The following USH2A variants were observed in gnomAD, a reference collection of about 807,000 sequenced individuals.
The protein encoded by USH2A is Usher syndrome 2A (autosomal recessive, mild).
Under a neutral mutation model 538.9 loss-of-function variants are expected in USH2A, and 443 were observed. The ratio of observed to expected loss-of-function variants is 0.82; its 90% CI spans 0.76 to 0.89. The LOEUF (loss-of-function observed/expected upper bound fraction) is 0.89, where lower values mean the gene tolerates loss of function less well. Ranked by LOEUF, USH2A falls within the 40% of genes least tolerant of loss-of-function variation. The probability of loss-of-function intolerance (pLI) is 0.00; values close to 1 mark genes in which losing one functional copy is unlikely to be tolerated. For synonymous variants in USH2A, 2,413 were observed against 2,273.5 expected, an observed-to-expected ratio of 1.06 and a Z score of -1.75; for missense variants, 6,633 against 6,324.8, an observed-to-expected ratio of 1.05 and a Z score of -1.65.
At chr1:215,811,992 T>G (rs987905972) in intron 49 of USH2A, among the ~76,000 whole-genome samples, 2 of 138,020 alleles carry the variant, frequency 1.4e-5, no homozygotes, top group African/African-American at 5.4e-5. Context: ...TTTTTTTTTT[T>G]TTTTTTTTTT....
chr1:215,632,085 C>T (rs900969993), intron 70 of USH2A, among the ~76,000 whole-genome samples: 4 of 150,324 alleles, frequency 2.7e-5, no homozygotes, highest in East Asian at 1.9e-4. Context: ...TGTTTTGTGA[C>T]GGAGTCTCGC....
chr1:215,673,535 C>T (rs887158147), intron 63 of USH2A, among the ~76,000 whole-genome samples: 1 of 152,200 alleles, frequency 6.6e-6, no homozygotes, highest in East Asian at 1.9e-4. Context: ...CAGATGGGAC[C>T]GCTAGGAAAA....
At chr1:216,206,256 C>T (rs1466095361) in intron 16 of USH2A, among the ~76,000 whole-genome samples, 1 of 152,120 alleles carries the variant, frequency 6.6e-6, no homozygotes, top group African/African-American at 2.4e-5. Context: ...GTATAATTCT[C>T]AGATTATTTT....
chr1:215,947,216 G>A (rs1209441959), intron 37 of USH2A, among the ~76,000 whole-genome samples: 1 of 151,750 alleles, frequency 6.6e-6, no homozygotes, highest in Non-Finnish European at 1.5e-5. Context: ...GCTAATTTTT[G>A]TATTTTTAGT....
chr1:215,801,156 T>C (rs1295310556), intron 49 of USH2A, among the ~76,000 whole-genome samples: 2 of 152,058 alleles, frequency 1.3e-5, no homozygotes, highest in Non-Finnish European at 2.9e-5. Flanking sequence ...CAAGAGTATA[T>C]GAGAAAAACC....
intron 56 of USH2A, among the ~76,000 whole-genome samples, chr1:215,761,517 T>A (rs1290366174): frequency 1.3e-5 from 2 of 152,198 alleles, no homozygotes. Context: ...ATCTTCTCTG[T>A]CTTATTCGTC....
Position 216,207,293 on chromosome 1 carries a change from G to A in USH2A, c.3296C>T (p.Thr1099Ile), listed in dbSNP as rs781687531. ...CTCACTGTATGGGTATTGATCCTCT[G>A]TTGTGTAGATTTCAAAACCATCCCT... ...LLRDGFEIYT[T>I]EDQYPYSIQY... is the part of the protein sequence containing the mutation. Residue 1099 changes from threonine to isoleucine, a missense_variant, in exon 16 of 72, where the codon ACA becomes ATA. By Grantham distance (89) the Thr-to-Ile change is moderately conservative. Coordinates refer to ENST00000307340, the MANE Select transcript of USH2A (RefSeq NM_206933.4). 1 of 1,613,972 alleles carries A rather than the reference G, an allele frequency of 6.2e-7. No individual in the cohort carries two copies. The highest frequency in any genetic ancestry group is 1.1e-5 in the South Asian group (1 of 91,080).
chr1:215,808,148 A>G (rs1662555925), intron 49 of USH2A, among the ~76,000 whole-genome samples: 1 of 152,164 alleles, frequency 6.6e-6, no homozygotes, highest in Admixed American at 6.6e-5. Context: ...CATGTAAAAT[A>G]TTACTTGAAA....
chr1:216,358,332 C>G (rs1349780400), intron 4 of USH2A, among the ~76,000 whole-genome samples: 17 of 152,144 alleles, frequency 1.1e-4, no homozygotes, highest in Admixed American at 9.8e-4. Context: ...GAGGCAGTGT[C>G]TGTTCCAAAG....
At chr1:215,923,990 T>G (rs1666169801) in intron 38 of USH2A, among the ~76,000 whole-genome samples, 1 of 151,914 alleles carries the variant, frequency 6.6e-6, no homozygotes, top group African/African-American at 2.4e-5. Flanking sequence ...CCTCCCAAAG[T>G]GCTGGGATTA....
At chr1:215,795,532 C>T (rs557191578) in intron 50 of USH2A, among the ~76,000 whole-genome samples, 2 of 152,200 alleles carry the variant, frequency 1.3e-5, no homozygotes, top group African/African-American at 2.4e-5. Context: ...TAACAAAGGA[C>T]GGAGTATAGC....
At chr1:216,216,682 T>C (rs972810147) in intron 15 of USH2A, among the ~76,000 whole-genome samples, 1 of 152,108 alleles carries the variant, frequency 6.6e-6, no homozygotes, top group Non-Finnish European at 1.5e-5. Context: ...CAATATGTTA[T>C]GAAATTGTAG....
At chr1:215,925,244 G>A (rs1250533393) in intron 38 of USH2A, among the ~76,000 whole-genome samples, 1 of 152,070 alleles carries the variant, frequency 6.6e-6, no homozygotes, top group Non-Finnish European at 1.5e-5. Context: ...AAATCCTTTG[G>A]TTCTATTCTC....
intron 3 of USH2A, among the ~76,000 whole-genome samples, chr1:216,405,498 GAATGGCTAAAATGTTATTTTA>G: frequency 6.6e-6 from 1 of 152,208 alleles, no homozygotes; most frequent in Admixed American, 6.5e-5. Context: ...TTATCTATCA[GAATGGCTAAAATGTTATTTTA>G]AATAGTAAAA....
chr1:216,019,605 T>G (rs1440872716), intron 32 of USH2A, among the ~76,000 whole-genome samples: 3 of 152,216 alleles, frequency 2.0e-5, no homozygotes, highest in Non-Finnish European at 4.4e-5. Flanking sequence ...AATTCTCTAC[T>G]GTATGTCTAT....
intron 21 of USH2A, among the ~76,000 whole-genome samples, chr1:216,103,767 A>G (rs2032653305): frequency 6.6e-6 from 1 of 152,244 alleles, no homozygotes; most frequent in Non-Finnish European, 1.5e-5. Context: ...CTTGACTAAA[A>G]ATTCTGATAT....
chr1:215,880,624 T>C (rs911109063), intron 41 of USH2A, among the ~76,000 whole-genome samples: 2 of 152,180 alleles, frequency 1.3e-5, no homozygotes, highest in African/African-American at 4.8e-5. Flanking sequence ...GGTGCAATGC[T>C]GTCTGTGGAC....
intron 3 of USH2A, among the ~76,000 whole-genome samples, chr1:216,375,913 G>C (rs888353081): frequency 2.7e-4 from 41 of 152,096 alleles, no homozygotes; most frequent in Non-Finnish European, 8.8e-5. Flanking sequence ...GGCCCAAGGA[G>C]AAGGAACAAG....
intron 64 of USH2A, among the ~76,000 whole-genome samples, chr1:215,660,594 A>G (rs924030463): frequency 6.6e-6 from 1 of 152,218 alleles, no homozygotes; most frequent in Admixed American, 6.5e-5. Flanking sequence ...TGGCTTTTCA[A>G]AAATATTGCT....
Sources: allele counts gnomAD v4.1 joint callset (sites outside exome capture counted in the v4.1 genomes callset), GRCh38; gene constraint gnomAD v4.1.1; transcripts MANE v1.5; gene names NCBI Gene and HGNC (gene_info 2026-07-23, HGNC 2026-07-21).